The following TCHH variants were observed in gnomAD, a reference collection of about 807,000 sequenced individuals.
TCHH encodes the protein trichohyalin.
A neutral mutation model predicts 6.3 loss-of-function variants in TCHH; 6 were observed. The observed-to-expected ratio is 0.95, with a 90% CI of 0.52 to 1.88. The LOEUF (loss-of-function observed/expected upper bound fraction) is 1.88, where lower values mean the gene tolerates loss of function less well. Ranked by LOEUF, TCHH falls within the 40% of genes most tolerant of loss-of-function variation. TCHH has a pLI of 0.01. For missense variants in TCHH, 2,920 were observed against 2,449.1 expected (o/e 1.19, Z -4.06); for synonymous variants, 1,087 against 963.6 (o/e 1.13, Z -2.37).
rs2101534366 is a variant in TCHH, at chr1:152,112,918, C to T, written c.299G>A (p.Arg100Gln). ...GCTCTCCTTTCCGTCACACCGGGCT[C>T]GCTTCTCCTCATCCAGTCCCGTGGC... ...GQATGLDEEK[R>Q]ARCDGKESLL... Residue 100 changes from arginine to glutamine, a missense_variant, in exon 3 of 3, where the codon CGA becomes CAA. By Grantham distance (43) the Arg-to-Gln change is conservative. Transcript: ENST00000614923. The T allele has an allele frequency of 6.2e-7, 1 of 1,613,934 alleles. No homozygotes were observed. Among genetic ancestry groups the T allele is most frequent in the Non-Finnish European group, 8.5e-7 (1 of 1,180,000 alleles).
chr1:152,108,250 T>C lies in TCHH; in HGVS notation c.4967A>G (p.Glu1656Gly), dbSNP rs1658177637. Residue 1656 changes from glutamate to glycine, a missense_variant, in exon 3 of 3, where the codon GAG (glutamate) becomes GGG (glycine). Transcript: ENST00000614923. Reference sequence around the variant, plus strand: ...GTCGTGACGCAGCTGTTGTTCGCGCTCCTGGCGGCGCAGCTGCGGTTCCTC... The same window carrying C: ...GTCGTGACGCAGCTGTTGTTCGCGCCCCTGGCGGCGCAGCTGCGGTTCCTC... ...LEEEPQLRRQ[E>G]REQQLRHDRD... 6.2e-7 allele frequency: 1 copy of C among 1,613,234 alleles called. No individual in the cohort carries two copies.
Position 152,109,216 on chromosome 1 carries a change from G to C in TCHH, c.4001C>G (p.Thr1334Arg), listed in dbSNP as rs72477383. The C allele has an allele frequency of 8.3e-4, 1,340 of 1,614,186 alleles. 32 individuals are homozygous for C. In the East Asian group the frequency reaches 0.018, roughly 22 times the overall value. ...TTCCTCCTCGCGGAATTTTCTGTCTGTCTCTTGACGGCGTCTCTTCTCTTC... is the reference window on the plus strand; with the variant it reads ...TTCCTCCTCGCGGAATTTTCTGTCTCTCTCTTGACGGCGTCTCTTCTCTTC... ...EREEKRRRQE[T>R]DRKFREEEQL... The change falls in exon 3 of 3, where the codon ACA (threonine) becomes AGA (arginine). Residue 1334 changes from threonine to arginine, a missense_variant. Transcript: ENST00000614923.
Position 152,110,851 on chromosome 1 carries a change from G to T in TCHH, c.2366C>A (p.Pro789Gln), listed in dbSNP as rs1455625235. 3.7e-6 allele frequency: 6 copies of T among 1,609,640 alleles called. No individual in the cohort carries two copies. In the East Asian group the frequency reaches 1.3e-4, roughly 36 times the overall value. ...RGRQRLSARP[P>Q]LREQRERQLR... ...CTGCCTCTCCCGCTGCTCCCGCAAT[G>T]GGGGCCTGGCCGACAGCCTCTGACG... The change falls in exon 3 of 3, where the codon CCA (proline) becomes CAA (glutamine). Residue 789 changes from proline (P) to glutamine (Q), a missense_variant. Physicochemically the swap from Pro to Gln is moderately conservative, Grantham distance 76 (BLOSUM62 -1). Coordinates refer to ENST00000614923, the MANE Select transcript of TCHH (RefSeq NM_007113.4).
At position 152,107,438 on chromosome 1, in the gene TCHH, A is replaced by G. The variant is rs767074193; in HGVS notation, c.5779T>C (p.Ser1927Pro). Residue 1927 changes from serine to proline, a missense_variant, in exon 3 of 3, where the codon TCC (serine) becomes CCC (proline). Transcript: ENST00000614923. ...THQFASVPVR[S>P]SPLYEYIQEQ... Reference sequence around the variant, plus strand: ...TGGATGTACTCATAGAGAGGGCTGGAGCGCACTGGGACACTGGCAAACTGA... The same window carrying G: ...TGGATGTACTCATAGAGAGGGCTGGGGCGCACTGGGACACTGGCAAACTGA... 1.2e-6 allele frequency: 2 copies of G among 1,612,208 alleles called. No individual in the cohort carries two copies. Among genetic ancestry groups the G allele is most frequent in the Admixed American group, 3.3e-5 (2 of 59,802 alleles).
At position 152,111,335 on chromosome 1, in the gene TCHH, CTTCCTCCGG is replaced by C. The variant is rs1553194493; in HGVS notation, c.1873_1881del (p.Pro625_Glu627del). 1 of 1,598,962 alleles carries C rather than the reference CTTCCTCCGG, an allele frequency of 6.3e-7. No individual in the cohort carries two copies. Among genetic ancestry groups the C allele is most frequent in the Non-Finnish European group, 8.5e-7 (1 of 1,172,248 alleles). ...CTCTTCAGCAGCTGCTGGCGCCTCTCTTCCTCCGGCTCCTCGCGCTTCAGCCGCTGCTCG... is the reference window on the plus strand; with the variant it reads ...CTCTTCAGCAGCTGCTGGCGCCTCTCCTCCTCGCGCTTCAGCCGCTGCTCG... On this transcript the variant is annotated inframe_deletion, in exon 3 of 3. Coordinates refer to ENST00000614923, the MANE Select transcript of TCHH (RefSeq NM_007113.4).
rs1658313338 is a variant in TCHH at position 152,110,839 on chromosome 1, T to G, written c.2378A>C (p.Gln793Pro). The G allele has an allele frequency of 1.9e-6, 3 of 1,609,740 alleles. No individual in the cohort carries two copies. The highest frequency in any genetic ancestry group is 1.7e-6 in the Non-Finnish European group (2 of 1,179,712). ...RLSARPPLRE[Q>P]RERQLRAEER... ...CTCGGCCCTCAGCTGCCTCTCCCGC[T>G]GCTCCCGCAATGGGGGCCTGGCCGA... The change falls in exon 3 of 3, where the codon CAG becomes CCG. Residue 793 changes from glutamine to proline, a missense_variant. Coordinates refer to ENST00000614923, the MANE Select transcript of TCHH (RefSeq NM_007113.4).
Position 152,111,095 on chromosome 1 carries a change from G to C in TCHH, c.2122C>G (p.Leu708Val), listed in dbSNP as rs932501267. The change falls in exon 3 of 3, where the codon CTA (leucine) becomes GTA (valine). Residue 708 changes from leucine to valine, a missense_variant. Leu to Val is a conservative substitution (Grantham distance 32). Coordinates refer to ENST00000614923, the MANE Select transcript of TCHH (RefSeq NM_007113.4). The stretch of plus-strand genomic sequence containing the variant: ...TGCCGTGCGTCGGCCTCGCTTTCTA[G>C]CTGCCACTGCCACTTCGGGATGCGG... ...KSRIPKWQWQLESEADARQSK... is the reference protein window; with the variant it reads ...KSRIPKWQWQVESEADARQSK... 11 of 1,613,448 alleles carry C rather than the reference G, an allele frequency of 6.8e-6. No homozygotes were observed. Among genetic ancestry groups the C allele is most frequent in the East Asian group, 2.2e-5 (1 of 44,860 alleles).
In TCHH at chr1:152,110,689, C is replaced by T; in HGVS notation, c.2528G>A (p.Arg843Gln). 2 of 1,612,722 alleles carry T rather than the reference C, an allele frequency of 1.2e-6. No homozygotes were observed. The highest frequency in any genetic ancestry group is 1.7e-6 in the Non-Finnish European group (2 of 1,179,898). The change falls in exon 3 of 3, where the codon CGG becomes CAG. Residue 843 changes from arginine to glutamine, a missense_variant. Transcript: ENST00000614923. ...CTCCTGGAGCTGTTGGGCACGCTCC[C>T]GCCGCTGGAGCTGCTCCTCTTCCTC... ...FLEEEEQLQR[R>Q]ERAQQLQEEE...
chr1:152,109,500 C>G lies in TCHH; in HGVS notation c.3717G>C (p.Lys1239Asn), dbSNP rs973786499. 1 of 1,614,270 alleles carries G rather than the reference C, an allele frequency of 6.2e-7. No individual in the cohort carries two copies. ...PEKENAVRDN[K>N]VYCKGRENEQ... is the part of the protein sequence containing the mutation. ...CATTCTCTCTGCCTTTGCAGTAAAC[C>G]TTGTTATCACGAACTGCATTTTCTT... The change falls in exon 3 of 3, where the codon AAG (lysine) becomes AAC (asparagine). Residue 1239 changes from lysine (K) to asparagine (N), a missense_variant. Coordinates refer to ENST00000614923, the MANE Select transcript of TCHH (RefSeq NM_007113.4).
intron 1 of TCHH, 140 bp from the exon 2 acceptor site, chr1:152,114,251 T>C: frequency 1.7e-6 from 1 of 603,024 alleles, no homozygotes; most frequent in Non-Finnish European, 2.8e-6. Flanking sequence ...AGCACTTTAA[T>C]ATTTGAATAT....
chr1:152,113,805 A>T (rs1430665159), intron 2 of TCHH, 138 bp downstream of exon 2: 1 of 1,005,094 alleles, frequency 9.9e-7, no homozygotes, highest in Non-Finnish European at 1.4e-6. Flanking sequence ...CTTTTGACTC[A>T]GAAATGAATG....
chr1:152,107,487 C>G lies in TCHH; in HGVS notation c.5730G>C (p.Gly1910=). ...EIKSQEGKGH[G]RLLEPGTHQF... is the part of the protein sequence containing the mutation. ...GATGAGTGCCGGGCTCCAGAAGCCG[C>G]CCATGGCCCTTCCCTTCTTGGGATT... The change falls in exon 3 of 3, where the codon GGG becomes GGC. Residue 1910 remains glycine (G), a synonymous_variant. Transcript: ENST00000614923. 3 of 1,614,200 alleles carry G rather than the reference C, an allele frequency of 1.9e-6. No individual in the cohort carries two copies. In the South Asian group the frequency reaches 3.3e-5, roughly 18 times the overall value.
At position 152,112,226 on chromosome 1, in the gene TCHH, G is replaced by A. The variant is rs201930497; in HGVS notation, c.991C>T (p.Gln331Ter). 3.8e-4 allele frequency: 594 copies of A among 1,565,022 alleles called. No individual in the cohort carries two copies. Among genetic ancestry groups the A allele is most frequent in the Admixed American group, 4.8e-4 (26 of 53,956 alleles). Reference protein sequence around the residue: ...RREQQERREQQEERREQQLRR... With the variant: ...RREQQERREQ ...AGCTGCTGCTCGCGCCTCTCCTCCT[G>A]CTGCTCGCGCCTCTCCTGCTGCTCG... Residue 331 changes from glutamine to a stop codon, truncating the protein, a stop_gained, in exon 3 of 3, where the codon CAG becomes TAG. Transcript: ENST00000614923. LOFTEE classifies it low-confidence loss of function (END_TRUNC).
rs757834181 is a variant in TCHH, at chr1:152,107,465, G to C, written c.5752C>G (p.His1918Asp). 1.2e-6 allele frequency: 2 copies of C among 1,614,106 alleles called. No homozygotes were observed. Among genetic ancestry groups the C allele is most frequent in the Middle Eastern group, 1.7e-4 (1 of 6,060 alleles). The change falls in exon 3 of 3, where the codon CAT (histidine) becomes GAT (aspartate). Residue 1918 changes from histidine to aspartate, a missense_variant. His to Asp is a moderately conservative substitution (Grantham distance 81). Coordinates refer to ENST00000614923, the MANE Select transcript of TCHH (RefSeq NM_007113.4). ...GHGRLLEPGT[H>D]QFASVPVRSS... Reference sequence around the variant, plus strand: ...CGCACTGGGACACTGGCAAACTGATGAGTGCCGGGCTCCAGAAGCCGCCCA... The same window carrying C: ...CGCACTGGGACACTGGCAAACTGATCAGTGCCGGGCTCCAGAAGCCGCCCA...
rs760292203 is a variant in TCHH, at chr1:152,108,992, G to T, written c.4225C>A (p.Arg1409Ser). 5.0e-6 allele frequency: 8 copies of T among 1,613,074 alleles called. No homozygotes were observed. Among genetic ancestry groups the T allele is most frequent in the Non-Finnish European group, 5.9e-6 (7 of 1,179,712 alleles). The change falls in exon 3 of 3, where the codon CGT (arginine) becomes AGT (serine). Residue 1409 changes from arginine (R) to serine (S), a missense_variant. Coordinates refer to ENST00000614923, the MANE Select transcript of TCHH (RefSeq NM_007113.4). ...CGGAATTTTCTGTCGCGGTCCTGAC[G>T]CAGCTGTTGCTCGCGCTCCTGGCAG... ...LRCQEREQQL[R>S]QDRDRKFREE...
In TCHH at chr1:152,110,062, TC is replaced by T. The variant is rs746320767; in HGVS notation, c.3154del (p.Glu1052ArgfsTer43). ...RLQERERQYR[E>X]EEELQQEEEQ... is the part of the protein sequence containing the mutation. ...TTCCTCCTGCTGCAGCTCCTCTTCC[TC>T]CCGATATTGCCTCTCCCGCTCCTGG... On this transcript the variant is annotated frameshift_variant, in exon 3 of 3. Transcript: ENST00000614923. LOFTEE classifies it low-confidence loss of function (END_TRUNC). 6.2e-7 allele frequency: 1 copy of T among 1,610,770 alleles called. No individual in the cohort carries two copies. Among genetic ancestry groups the T allele is most frequent in the South Asian group, 1.1e-5 (1 of 90,822 alleles).
At position 152,112,725 on chromosome 1, in the gene TCHH, G is replaced by A; in HGVS notation, c.492C>T (p.Arg164=). Residue 164 remains arginine (R), a synonymous_variant, in exon 3 of 3, where the codon CGC becomes CGT. Coordinates refer to ENST00000614923, the MANE Select transcript of TCHH (RefSeq NM_007113.4). The part of the protein sequence containing the change: ...QSEKQERLEQ[R]DRQRRDEELW... ...GCTCCTCGTCGCGGCGCTGCCTGTCGCGCTGTTCAAGTCGCTCTTGTTTCT... is the reference window on the plus strand; with the variant it reads ...GCTCCTCGTCGCGGCGCTGCCTGTCACGCTGTTCAAGTCGCTCTTGTTTCT... 6.2e-7 allele frequency: 1 copy of A among 1,613,988 alleles called. No individual in the cohort carries two copies. Among genetic ancestry groups the A allele is most frequent in the East Asian group, 2.2e-5 (1 of 44,840 alleles).
rs1464711508 is a variant in TCHH at position 152,110,952 on chromosome 1, G to C, written c.2265C>G (p.His755Gln). The C allele has an allele frequency of 6.2e-7, 1 of 1,613,046 alleles. No individual in the cohort carries two copies. The highest frequency in any genetic ancestry group is 1.3e-5 in the African/African-American group (1 of 74,934). Residue 755 changes from histidine (H) to glutamine (Q), a missense_variant, in exon 3 of 3, where the codon CAC becomes CAG. Coordinates refer to ENST00000614923, the MANE Select transcript of TCHH (RefSeq NM_007113.4). ...GCTGCTCCTCTTCCTGCTGCTGCCG[G>C]TGAGCCCGTTCCTCCTCCTGCCATT... is the stretch of plus-strand genomic sequence containing the variant. Reference protein sequence around the residue: ...ELQWQEEERAHRQQQEEEQRR... With the variant: ...ELQWQEEERAQRQQQEEEQRR...
Position 152,108,704 on chromosome 1 carries a change from C to G in TCHH, c.4513G>C (p.Glu1505Gln), listed in dbSNP as rs756544927. 1.9e-6 allele frequency: 3 copies of G among 1,607,730 alleles called. No individual in the cohort carries two copies. In the Admixed American group the frequency reaches 5.0e-5, roughly 27 times the overall value. Residue 1505 changes from glutamate to glutamine, a missense_variant, in exon 3 of 3, where the codon GAA (glutamate) becomes CAA (glutamine). Transcript: ENST00000614923. ...GGTTCCTGACTGCGCAGTTCCTGTTCGCGGAATTTTCTGTCACGCTCTTGG... is the reference window on the plus strand; with the variant it reads ...GGTTCCTGACTGCGCAGTTCCTGTTGGCGGAATTTTCTGTCACGCTCTTGG... ...RRQERDRKFR[E>Q]QELRSQEPER...
Sources: allele counts gnomAD v4.1 joint callset, GRCh38; gene constraint gnomAD v4.1.1; transcripts MANE v1.5; gene names NCBI Gene and HGNC (gene_info 2026-07-23, HGNC 2026-07-21).